The following GRIN2B variants were observed in gnomAD, a reference collection of about 807,000 sequenced individuals.
GRIN2B encodes glutamate ionotropic receptor NMDA type subunit 2B.
In GRIN2B, 5 loss-of-function variants were observed where a neutral mutation model predicts 114.5. That is an observed-to-expected ratio of 0.04 (90% CI 0.02 to 0.09). GRIN2B has a LOEUF of 0.09. Among genes scored for constraint, GRIN2B ranks in the 10% least tolerant of loss-of-function variants. The pLI is 1.00. For synonymous variants in GRIN2B, 787 were observed against 745.1 expected (o/e 1.06, Z -0.92); for missense variants, 1,108 against 1,943.5 (o/e 0.57, Z 8.08).
chr12:13,815,173 T>C (rs1279684452), intron 3 of GRIN2B, among the ~76,000 whole-genome samples: 1 of 152,198 alleles, frequency 6.6e-6, no homozygotes, highest in Non-Finnish European at 1.5e-5. Flanking sequence ...AGTGGCCGAA[T>C]AAATGAAAGA....
chr12:13,549,294 A>C lies in GRIN2B; in HGVS notation c.*13489T>G, dbSNP rs1948382873. 1 of 152,110 alleles carries C rather than the reference A, an allele frequency of 6.6e-6. No homozygotes were observed. Among genetic ancestry groups the C allele is most frequent in the Non-Finnish European group, 1.5e-5 (1 of 68,016 alleles). The allele number at this position is 152,110 out of a possible 1,614,324, so 9.4% of individuals were successfully genotyped here. ...CATAAGTATTCTCAGGAGACTATTAATTTTGGAGCCCCCATGCTTCCCTTT... is the reference window on the plus strand; with the variant it reads ...CATAAGTATTCTCAGGAGACTATTACTTTTGGAGCCCCCATGCTTCCCTTT... On this transcript the variant is annotated 3_prime_UTR_variant, in exon 14 of 14. Transcript: ENST00000609686.
At chr12:13,645,076 T>C (rs1949750039) in intron 5 of GRIN2B, among the ~76,000 whole-genome samples, 1 of 152,156 alleles carries the variant, frequency 6.6e-6, no homozygotes, top group Non-Finnish European at 1.5e-5. Flanking sequence ...GCTAATTGTT[T>C]TGTACAAGAG....
chr12:13,778,561 G>C (rs1864047706), intron 3 of GRIN2B, among the ~76,000 whole-genome samples: 1 of 152,182 alleles, frequency 6.6e-6, no homozygotes, highest in African/African-American at 2.4e-5. Context: ...AGGGCACCCA[G>C]AGGCCTCAGA....
chr12:13,681,862 G>A (rs1396679150), intron 4 of GRIN2B, among the ~76,000 whole-genome samples: 1 of 152,024 alleles, frequency 6.6e-6, no homozygotes, highest in African/African-American at 2.4e-5. Flanking sequence ...ATTAGCTGCT[G>A]TTATTACTCT....
intron 10 of GRIN2B, among the ~76,000 whole-genome samples, chr12:13,596,022 T>C (rs973590463): frequency 6.6e-6 from 1 of 151,740 alleles, no homozygotes; most frequent in Non-Finnish European, 1.5e-5. Context: ...GCATTTTTTT[T>C]CTGTAAGAAA....
intron 10 of GRIN2B, among the ~76,000 whole-genome samples, chr12:13,590,368 T>C (rs1948990072): frequency 6.6e-6 from 1 of 152,136 alleles, no homozygotes; most frequent in Non-Finnish European, 1.5e-5. Flanking sequence ...TAGGTATTTT[T>C]CCTAATGCTC....
intron 2 of GRIN2B, among the ~76,000 whole-genome samples, chr12:13,930,789 G>T (rs1004515702): frequency 4.6e-5 from 7 of 152,106 alleles, no homozygotes; most frequent in Middle Eastern, 3.2e-3. Context: ...AAGTGCAACA[G>T]TGACAACCAC....
intron 3 of GRIN2B, among the ~76,000 whole-genome samples, chr12:13,790,358 A>G (rs772363006): frequency 6.6e-6 from 1 of 151,994 alleles, no homozygotes; most frequent in South Asian, 2.1e-4. Flanking sequence ...CACATCCCCA[A>G]ACCCTTCCAA....
intron 3 of GRIN2B, among the ~76,000 whole-genome samples, chr12:13,790,693 A>C (rs1210880216): frequency 6.6e-6 from 1 of 152,194 alleles, no homozygotes; most frequent in East Asian, 1.9e-4. Context: ...GTCACTGTTC[A>C]TTGGTGCTGA....
chr12:13,816,833 G>A (rs1864832061), intron 3 of GRIN2B, among the ~76,000 whole-genome samples: 3 of 152,160 alleles, frequency 2.0e-5, no homozygotes, highest in South Asian at 2.1e-4. Flanking sequence ...ATTGGGGAAC[G>A]GGCTGGTAAA....
intron 3 of GRIN2B, among the ~76,000 whole-genome samples, chr12:13,783,647 A>G (rs961291956): frequency 6.6e-6 from 1 of 152,176 alleles, no homozygotes; most frequent in Non-Finnish European, 1.5e-5. Flanking sequence ...ATACCCAGAG[A>G]AATTGATGAA....
At chr12:13,671,497 G>A (rs1302938172) in intron 5 of GRIN2B, among the ~76,000 whole-genome samples, 1 of 152,120 alleles carries the variant, frequency 6.6e-6, no homozygotes, top group Non-Finnish European at 1.5e-5. Context: ...CGTATCACAT[G>A]GTTCACACCA....
intron 3 of GRIN2B, among the ~76,000 whole-genome samples, chr12:13,834,197 A>ATTTTTTTTTTTT (rs756189402): frequency 1.8e-5 from 2 of 111,522 alleles, no homozygotes; most frequent in Non-Finnish European, 3.6e-5. Context: ...CGCCTGGCTA[A>ATTTTTTTTTTTT]TTTTTTTTTT....
At chr12:13,603,994 G>T (rs1026131219) in intron 10 of GRIN2B, among the ~76,000 whole-genome samples, 1 of 152,058 alleles carries the variant, frequency 6.6e-6, no homozygotes, top group Non-Finnish European at 1.5e-5. Context: ...AATGTACCTA[G>T]TGCCCAGCAA....
At chr12:13,926,170 G>A (rs147940369) in intron 2 of GRIN2B, among the ~76,000 whole-genome samples, 1 of 152,262 alleles carries the variant, frequency 6.6e-6, no homozygotes, top group African/African-American at 2.4e-5. Flanking sequence ...GGCAGAAAAT[G>A]AGAAGGTGTC....
chr12:13,540,740 C>T lies in GRIN2B; in HGVS notation c.*22043G>A, dbSNP rs975336262. ...ATATTTACAGAAAACAGAAGCAAAA[C>T]AAATAAACAAAAAAAGAACTTGGAG... On this transcript the variant is annotated 3_prime_UTR_variant, in exon 14 of 14. Coordinates refer to ENST00000609686, the MANE Select transcript of GRIN2B (RefSeq NM_000834.5). 2 of 151,910 alleles carry T rather than the reference C, an allele frequency of 1.3e-5. No individual in the cohort carries two copies. The highest frequency in any genetic ancestry group is 4.8e-5 in the African/African-American group (2 of 41,354). The allele number at this position is 151,910 out of a possible 1,614,324, so 9.4% of individuals were successfully genotyped here.
intron 5 of GRIN2B, among the ~76,000 whole-genome samples, chr12:13,669,107 A>G (rs955868262): frequency 6.6e-6 from 1 of 151,982 alleles, no homozygotes; most frequent in Admixed American, 6.6e-5. Context: ...AGACAAGGAC[A>G]TATACAATTT....
chr12:13,816,303 A>G (rs1864822094), intron 3 of GRIN2B, among the ~76,000 whole-genome samples: 1 of 152,178 alleles, frequency 6.6e-6, no homozygotes, highest in Admixed American at 6.5e-5. Context: ...AGAAAAGTAG[A>G]TGGTTATGGA....
rs1369154889 is a variant in GRIN2B, at chr12:13,556,674, T to G, written c.*6109A>C. On this transcript the variant is annotated 3_prime_UTR_variant, in exon 14 of 14. Transcript: ENST00000609686. The stretch of plus-strand genomic sequence containing the variant: ...TACCTTAATTCTTGCACTGAGTTCT[T>G]TCACCTTCTCCAAAACACAGATTCT... The G allele has an allele frequency of 6.6e-6, 1 of 152,134 alleles. No homozygotes were observed. The highest frequency in any genetic ancestry group is 1.5e-5 in the Non-Finnish European group (1 of 68,022). The allele number at this position is 152,134 out of a possible 1,614,324, so 9.4% of individuals were successfully genotyped here. A position where few individuals can be genotyped will look rare whatever the true frequency, so the allele number is the denominator to read the frequency against.
Sources: allele counts gnomAD v4.1 joint callset (sites outside exome capture counted in the v4.1 genomes callset), GRCh38; gene constraint gnomAD v4.1.1; transcripts MANE v1.5; gene names NCBI Gene and HGNC (gene_info 2026-07-23, HGNC 2026-07-21).